SRRM4: variants seen among roughly 807,000 people sequenced by gnomAD.
The protein encoded by SRRM4 is serine/arginine repetitive matrix 4, also known as serine/arginine repetitive matrix protein 4.
Under a neutral mutation model 68.9 loss-of-function variants are expected in SRRM4, and 33 were observed. The ratio of observed to expected loss-of-function variants is 0.48; its 90% CI spans 0.36 to 0.64. The LOEUF (loss-of-function observed/expected upper bound fraction) is 0.64. Among genes scored for constraint, SRRM4 ranks in the 30% least tolerant of loss-of-function variants. SRRM4 has a pLI of 0.00. For missense variants in SRRM4, 817 were observed against 827.1 expected (o/e 0.99, Z 0.15); for synonymous variants, 318 against 318.8 (o/e 1.00, Z 0.03).
At chr12:119,152,418 C>T (rs889593790) in intron 10 of SRRM4, among the ~76,000 whole-genome samples, 1 of 152,166 alleles carries the variant, frequency 6.6e-6, no homozygotes. Flanking sequence ...TGTAAAGTTG[C>T]TATGGAGGTA....
chr12:119,102,725 C>A (rs746497365), intron 2 of SRRM4, among the ~76,000 whole-genome samples: 2 of 152,148 alleles, frequency 1.3e-5, no homozygotes, highest in Non-Finnish European at 2.9e-5. Context: ...TAAATGATAG[C>A]GTTCCTTTGC....
chr12:119,042,959 C>T (rs947837539), intron 1 of SRRM4, among the ~76,000 whole-genome samples: 1 of 152,064 alleles, frequency 6.6e-6, no homozygotes, highest in African/African-American at 2.4e-5. Context: ...TAAATTAGTT[C>T]CACCATTGTG....
At chr12:119,108,957 T>G (rs1230257547) in intron 2 of SRRM4, among the ~76,000 whole-genome samples, 1 of 152,232 alleles carries the variant, frequency 6.6e-6, no homozygotes, top group Non-Finnish European at 1.5e-5. Flanking sequence ...CAGTGGCTAG[T>G]ATCAGTTGTT....
intron 1 of SRRM4, among the ~76,000 whole-genome samples, chr12:119,097,404 T>C (rs888635137): frequency 1.3e-5 from 2 of 152,264 alleles, no homozygotes; most frequent in African/African-American, 4.8e-5. Flanking sequence ...GTAATCACAA[T>C]TCATTTGTTC....
At chr12:119,143,391 T>C (rs1055646150) in intron 8 of SRRM4, among the ~76,000 whole-genome samples, 12 of 152,208 alleles carry the variant, frequency 7.9e-5, no homozygotes, top group African/African-American at 2.9e-4. Context: ...AGCAAAGGTA[T>C]AGAAGAAGAC....
chr12:119,020,548 G>A (rs984814441), intron 1 of SRRM4, among the ~76,000 whole-genome samples: 1 of 152,188 alleles, frequency 6.6e-6, no homozygotes, highest in Non-Finnish European at 1.5e-5. Flanking sequence ...TTCAAACAGC[G>A]CAAGGAATGA....
chr12:119,006,052 G>A (rs1280718402), intron 1 of SRRM4, among the ~76,000 whole-genome samples: 1 of 152,194 alleles, frequency 6.6e-6, no homozygotes, highest in African/African-American at 2.4e-5. Context: ...TTTGAAAACA[G>A]GAATGCACCA....
chr12:119,127,565 T>C (rs1289726076), intron 7 of SRRM4, among the ~76,000 whole-genome samples: 1 of 151,754 alleles, frequency 6.6e-6, no homozygotes, highest in Admixed American at 6.6e-5. Flanking sequence ...TTGTCTCTAT[T>C]AAAAATACAA....
At chr12:119,065,636 G>T (rs1206688473) in intron 1 of SRRM4, among the ~76,000 whole-genome samples, 1 of 152,182 alleles carries the variant, frequency 6.6e-6, no homozygotes. Context: ...TTAGGAGACT[G>T]AAGCAGGAGA....
chr12:119,125,973 T>C (rs1954256666), intron 7 of SRRM4, among the ~76,000 whole-genome samples: 1 of 150,586 alleles, frequency 6.6e-6, no homozygotes, highest in Non-Finnish European at 1.5e-5. Flanking sequence ...CAAAAGGTCT[T>C]GCTGCCATCA....
At chr12:119,114,124 A>T in intron 2 of SRRM4, 154 bp from the exon 3 acceptor site, 1 of 571,884 alleles carries the variant, frequency 1.7e-6, no homozygotes. Context: ...ACTTAGTCTG[A>T]AGTGTGACCC....
chr12:119,078,725 G>A (rs935089153), intron 1 of SRRM4, among the ~76,000 whole-genome samples: 1 of 152,114 alleles, frequency 6.6e-6, no homozygotes, highest in African/African-American at 2.4e-5. Flanking sequence ...TTTGAGGCAA[G>A]CCTGGGCAAT....
chr12:119,145,760 C>A, intron 9 of SRRM4, 75 bp downstream of exon 9: 1 of 1,205,120 alleles, frequency 8.3e-7, no homozygotes, highest in Non-Finnish European at 1.1e-6. Flanking sequence ...TCATCCCAGC[C>A]TCCCCCACTC....
rs1954082505 is a variant in SRRM4, at chr12:119,102,318, T to C, written c.214T>C (p.Leu72=). The C allele has an allele frequency of 1.2e-6, 2 of 1,613,614 alleles. No individual in the cohort carries two copies. Among genetic ancestry groups the C allele is most frequent in the South Asian group, 1.1e-5 (1 of 91,026 alleles). The change falls in exon 2 of 13, where the codon TTG becomes CTG. Residue 72 remains leucine (L), a synonymous_variant. Transcript: ENST00000267260. ...GGGTCAGCATCTGGCCACCGAGCCC[T>C]TGGGCACCAACAGTTGGGAGAGAGA... The part of the protein sequence containing the change: ...KLGQHLATEP[L]GTNSWERDKT...
chr12:118,998,265 T>C lies in SRRM4; in HGVS notation c.131+16252T>C, dbSNP rs185895578. On this transcript the variant is annotated intron_variant, in intron 1 of 12. Transcript: ENST00000267260. Reference sequence around the variant, plus strand: ...TGCAACTGAGTGGATAAGAGCAATATGGCAAAAAAAAAAAAAAAAAAAAAA... The same window carrying C: ...TGCAACTGAGTGGATAAGAGCAATACGGCAAAAAAAAAAAAAAAAAAAAAA... 7.7e-3 allele frequency among the ~76,000 whole-genome samples: 273 copies of C among 35,426 alleles called. 2 individuals are homozygous for C. The highest frequency in any genetic ancestry group is 0.018 in the Admixed American group (37 of 2,092). The allele number at this position is 35,426 out of a possible 152,430, so 23.2% of individuals were successfully genotyped here. A position where few individuals can be genotyped will look rare whatever the true frequency, so the allele number is the denominator to read the frequency against.
chr12:119,054,976 T>A (rs992113303), intron 1 of SRRM4, among the ~76,000 whole-genome samples: 2 of 152,112 alleles, frequency 1.3e-5, no homozygotes, highest in Non-Finnish European at 2.9e-5. Context: ...CCAGGGGGCA[T>A]GTGATGCTTA....
intron 1 of SRRM4, among the ~76,000 whole-genome samples, chr12:119,018,638 A>G (rs1953496257): frequency 6.6e-6 from 1 of 152,188 alleles, no homozygotes; most frequent in Non-Finnish European, 1.5e-5. Flanking sequence ...AGAGAGAGGT[A>G]GAGAGAAAAG....
At chr12:119,080,763 C>T (rs1022759545) in intron 1 of SRRM4, among the ~76,000 whole-genome samples, 2 of 152,248 alleles carry the variant, frequency 1.3e-5, no homozygotes, top group Non-Finnish European at 2.9e-5. Flanking sequence ...CAGGCAACAG[C>T]TTCAAAGCCA....
intron 1 of SRRM4, among the ~76,000 whole-genome samples, chr12:119,100,258 A>C (rs2136041175): frequency 6.8e-6 from 1 of 146,442 alleles, no homozygotes; most frequent in African/African-American, 2.5e-5. Context: ...TGGGAGGCCA[A>C]GTCAGGAGGA....
Sources: gnomAD v4.1 joint callset for allele counts (sites outside exome capture counted in the v4.1 genomes callset) on GRCh38, gnomAD v4.1.1 for gene constraint, MANE v1.5 for transcripts, NCBI Gene and HGNC (gene_info 2026-07-23, HGNC 2026-07-21) for gene names.